Variants in EPHA6 observed in about 807,000 individuals in gnomAD.
EPHA6 encodes ephrin type-A receptor 6.
In EPHA6, 50 loss-of-function variants were observed where a neutral mutation model predicts 112.0. The observed-to-expected ratio is 0.45, with a 90% CI of 0.36 to 0.56. The LOEUF (loss-of-function observed/expected upper bound fraction) is 0.56. EPHA6 is among the 20% of genes least tolerant of loss of function. The pLI, the probability that EPHA6 is intolerant of heterozygous loss-of-function variation, is 0.00. For synonymous variants in EPHA6, 529 were observed against 490.7 expected, an observed-to-expected ratio of 1.08 and a Z score of -1.03; for missense variants, 1,280 against 1,417.4, an observed-to-expected ratio of 0.90 and a Z score of 1.56.
intron 2 of EPHA6, among the ~76,000 whole-genome samples, chr3:96,983,377 G>T (rs2042888326): frequency 6.6e-6 from 1 of 152,078 alleles, no homozygotes; most frequent in African/African-American, 2.4e-5. Flanking sequence ...GTTGAATATT[G>T]GCCCCCACTC....
chr3:96,854,691 G>C (rs1311493959), intron 1 of EPHA6, among the ~76,000 whole-genome samples: 1 of 152,060 alleles, frequency 6.6e-6, no homozygotes, highest in African/African-American at 2.4e-5. Flanking sequence ...AATTTGAAGA[G>C]AAAATGAGTT....
chr3:97,315,369 A>G (rs2081773524), intron 5 of EPHA6, among the ~76,000 whole-genome samples: 1 of 151,708 alleles, frequency 6.6e-6, no homozygotes, highest in Admixed American at 6.6e-5. Flanking sequence ...AAGTCGTGGC[A>G]TAACAACATA....
intron 1 of EPHA6, among the ~76,000 whole-genome samples, chr3:96,822,807 A>T (rs997607567): frequency 6.6e-6 from 1 of 151,220 alleles, no homozygotes; most frequent in African/African-American, 2.4e-5. Context: ...TTTGAGCTAC[A>T]TGAGTGTTGC....
intron 13 of EPHA6, among the ~76,000 whole-genome samples, chr3:97,615,790 C>T (rs572714634): frequency 1.3e-5 from 2 of 152,182 alleles, no homozygotes; most frequent in African/African-American, 4.8e-5. Context: ...CAGCCACCCC[C>T]TCCTGTGTTC....
chr3:97,369,010 T>C (rs1490939988), intron 5 of EPHA6, among the ~76,000 whole-genome samples: 1 of 152,138 alleles, frequency 6.6e-6, no homozygotes, highest in African/African-American at 2.4e-5. Flanking sequence ...TTCTGAAGAA[T>C]GAGAATAAAC....
At chr3:97,012,542 G>A (rs148402259) in intron 3 of EPHA6, among the ~76,000 whole-genome samples, 1,456 of 144,358 alleles carry the variant, frequency 0.01, 19 homozygotes, top group African/African-American at 0.033. Flanking sequence ...TTTTATATAT[G>A]AATATATTAT....
chr3:96,940,758 A>G (rs976251629), intron 2 of EPHA6, among the ~76,000 whole-genome samples: 4 of 152,042 alleles, frequency 2.6e-5, no homozygotes, highest in Non-Finnish European at 5.9e-5. Flanking sequence ...TTCCATGTTT[A>G]GTGCTTCCTT....
At chr3:97,494,158 C>T (rs1178233578) in intron 10 of EPHA6, among the ~76,000 whole-genome samples, 1 of 152,142 alleles carries the variant, frequency 6.6e-6, no homozygotes, top group African/African-American at 2.4e-5. Context: ...TTTATCACAA[C>T]TTTTATTAAC....
At chr3:97,482,509 T>C (rs1328127677) in intron 9 of EPHA6, among the ~76,000 whole-genome samples, 5 of 152,240 alleles carry the variant, frequency 3.3e-5, no homozygotes, top group African/African-American at 1.2e-4. Flanking sequence ...CCTGGAAATA[T>C]GCTTTTCTGG....
intron 3 of EPHA6, among the ~76,000 whole-genome samples, chr3:97,094,217 T>A (rs2047167218): frequency 6.6e-6 from 1 of 152,174 alleles, no homozygotes; most frequent in African/African-American, 2.4e-5. Flanking sequence ...TAGTTGCATA[T>A]TTGTAAACTA....
At chr3:96,947,842 C>G (rs1189460032) in intron 2 of EPHA6, among the ~76,000 whole-genome samples, 1 of 152,068 alleles carries the variant, frequency 6.6e-6, no homozygotes, top group Non-Finnish European at 1.5e-5. Flanking sequence ...CTTATAGATT[C>G]AATGCCATCC....
At chr3:96,868,161 T>C (rs2036428409) in intron 2 of EPHA6, among the ~76,000 whole-genome samples, 1 of 144,918 alleles carries the variant, frequency 6.9e-6, no homozygotes, top group Admixed American at 6.9e-5. Flanking sequence ...TGTGTGTGCG[T>C]GTGTGTGTGT....
chr3:97,631,750 C>A (rs556029122), intron 13 of EPHA6, among the ~76,000 whole-genome samples: 1 of 152,068 alleles, frequency 6.6e-6, no homozygotes, highest in East Asian at 1.9e-4. Flanking sequence ...TAATTCTCCT[C>A]AAGAATAGCA....
At chr3:97,172,445 A>G (rs1030335061) in intron 3 of EPHA6, among the ~76,000 whole-genome samples, 2 of 152,036 alleles carry the variant, frequency 1.3e-5, no homozygotes, top group Non-Finnish European at 2.9e-5. Flanking sequence ...TCAGGAATAG[A>G]TAGTTCAAGC....
intron 3 of EPHA6, among the ~76,000 whole-genome samples, chr3:97,172,592 A>G (rs2076730505): frequency 6.6e-6 from 1 of 151,964 alleles, no homozygotes; most frequent in Non-Finnish European, 1.5e-5. Context: ...ACAATGCCAA[A>G]TAGTTTTTTT....
intron 10 of EPHA6, among the ~76,000 whole-genome samples, chr3:97,497,720 G>T (rs1474263886): frequency 6.6e-6 from 1 of 151,876 alleles, no homozygotes; most frequent in Non-Finnish European, 1.5e-5. Flanking sequence ...GTGTAGGGTT[G>T]AGGAGAAGGG....
At chr3:97,015,201 T>G (rs1408192085) in intron 3 of EPHA6, among the ~76,000 whole-genome samples, 1 of 152,164 alleles carries the variant, frequency 6.6e-6, no homozygotes, top group Admixed American at 6.5e-5. Context: ...AATAAAGTAT[T>G]GTAGAAGAAA....
At chr3:97,185,148 G>A (rs187727733) in intron 3 of EPHA6, among the ~76,000 whole-genome samples, 1 of 152,158 alleles carries the variant, frequency 6.6e-6, no homozygotes, top group African/African-American at 2.4e-5. Context: ...TCAGGACATA[G>A]GCATGGGCAA....
At chr3:97,415,251 C>T (rs1239649237) in intron 6 of EPHA6, among the ~76,000 whole-genome samples, 7 of 152,060 alleles carry the variant, frequency 4.6e-5, no homozygotes, top group Admixed American at 3.9e-4. Context: ...TTTATCACCT[C>T]TTTTGTTTTT....
Sources: gnomAD v4.1 joint callset for allele counts (sites outside exome capture counted in the v4.1 genomes callset) on GRCh38, gnomAD v4.1.1 for gene constraint, MANE v1.5 for transcripts, NCBI Gene and HGNC (gene_info 2026-07-23, HGNC 2026-07-21) for gene names.